ATG7: variants seen among roughly 807,000 people sequenced by gnomAD.
ATG7 encodes the protein autophagy related 7, also known as ubiquitin-like modifier-activating enzyme ATG7.
In ATG7, 70 loss-of-function variants were observed where a neutral mutation model predicts 82.4. The ratio of observed to expected loss-of-function variants is 0.85; its 90% CI spans 0.70 to 1.04. The LOEUF is 1.04. ATG7 is among the 50% of genes least tolerant of loss of function. The pLI is 0.00. For missense variants in ATG7, 792 were observed against 864.3 expected, an observed-to-expected ratio of 0.92 and a Z score of 1.05; for synonymous variants, 287 against 313.0, an observed-to-expected ratio of 0.92 and a Z score of 0.88.
At chr3:11,343,951 T>C (rs1954075764) in intron 13 of ATG7, among the ~76,000 whole-genome samples, 1 of 152,198 alleles carries the variant, frequency 6.6e-6, no homozygotes, top group South Asian at 2.1e-4. Context: ...GGGAGCATGG[T>C]GTATCTCTTA....
At chr3:11,442,777 C>G (rs542300979) in intron 20 of ATG7, among the ~76,000 whole-genome samples, 1 of 94,202 alleles carries the variant, frequency 1.1e-5, no homozygotes, top group African/African-American at 3.5e-5. Flanking sequence ...AAAAATTAGC[C>G]AGGTTTGGTG....
At chr3:11,475,924 G>A (rs187666444) in intron 20 of ATG7, among the ~76,000 whole-genome samples, 127 of 104,114 alleles carry the variant, frequency 1.2e-3, no homozygotes, top group Admixed American at 3.5e-3. Flanking sequence ...CCCAGAGTCC[G>A]AGCATTCTAG....
At chr3:11,280,714 A>G (rs574437084) in intron 1 of ATG7, among the ~76,000 whole-genome samples, 2 of 152,190 alleles carry the variant, frequency 1.3e-5, no homozygotes, top group African/African-American at 2.4e-5. Context: ...TATCCAAGTT[A>G]TTGGTAAAAT....
chr3:11,526,424 A>G (rs1200043525), intron 20 of ATG7, among the ~76,000 whole-genome samples: 1 of 152,136 alleles, frequency 6.6e-6, no homozygotes. Context: ...AGACAACAAG[A>G]AACATAATCT....
chr3:11,476,828 C>T (rs1411290500), intron 20 of ATG7, among the ~76,000 whole-genome samples: 1 of 152,090 alleles, frequency 6.6e-6, no homozygotes, highest in African/African-American at 2.4e-5. Flanking sequence ...TTCTTTTATG[C>T]ATGTAGTAAC....
chr3:11,386,632 C>T (rs1377020387), intron 19 of ATG7, among the ~76,000 whole-genome samples: 1 of 152,170 alleles, frequency 6.6e-6, no homozygotes, highest in African/African-American at 2.4e-5. Context: ...GCCAGATTTT[C>T]CTTCTCCTTT....
intron 20 of ATG7, among the ~76,000 whole-genome samples, chr3:11,432,281 A>G (rs975402216): frequency 6.6e-6 from 1 of 152,216 alleles, no homozygotes; most frequent in Non-Finnish European, 1.5e-5. Flanking sequence ...GATTTACCCT[A>G]TTCCATTTAG....
At chr3:11,294,577 A>G (rs1231617377) in intron 3 of ATG7, among the ~76,000 whole-genome samples, 1 of 152,178 alleles carries the variant, frequency 6.6e-6, no homozygotes, top group East Asian at 1.9e-4. Context: ...AACAATTAAA[A>G]GCCAAAAAAT....
chr3:11,380,034 T>C lies in ATG7; in HGVS notation c.1938T>C (p.Cys646=), dbSNP rs761784036. Residue 646 remains cysteine, a synonymous_variant, in exon 19 of 21, where the codon TGT becomes TGC. Coordinates refer to ENST00000693202, the MANE Select transcript of ATG7 (RefSeq NM_001349232.2). ...VLPVSLAFDK[C]TACSSKVLDQ... ...CCGTCAGCCTGGCATTTGACAAATGTACAGCTTGTTCTTCCAAAGTAAGTC... is the reference window on the plus strand; with the variant it reads ...CCGTCAGCCTGGCATTTGACAAATGCACAGCTTGTTCTTCCAAAGTAAGTC... 5 of 1,613,956 alleles carry C rather than the reference T, an allele frequency of 3.1e-6. No homozygotes were observed. Among genetic ancestry groups the C allele is most frequent in the Non-Finnish European group, 3.4e-6 (4 of 1,179,920 alleles).
At position 11,435,025 on chromosome 3, in the gene ATG7, A is replaced by G. The variant is rs528192232; in HGVS notation, c.2079+8099A>G. ...TTTTAAGCCTCCTTTCTAGAAAAAA[A>G]TGAAATGCTTTTCAACTCTAATTTA... On this transcript the variant is annotated intron_variant, in intron 20 of 20. Transcript: ENST00000693202. 1.6e-3 allele frequency among the ~76,000 whole-genome samples: 246 copies of G among 152,346 alleles called. 1 individual carries two copies. The highest frequency in any genetic ancestry group is 5.4e-3 in the African/African-American group (224 of 41,578).
intron 19 of ATG7, among the ~76,000 whole-genome samples, chr3:11,394,154 T>C (rs1178676314): frequency 6.6e-6 from 1 of 152,224 alleles, no homozygotes; most frequent in Non-Finnish European, 1.5e-5. Flanking sequence ...AGTTCCTCTG[T>C]ACTATAAGGG....
chr3:11,468,296 T>C (rs1239876949), intron 20 of ATG7, among the ~76,000 whole-genome samples: 1 of 64,832 alleles, frequency 1.5e-5, no homozygotes, highest in African/African-American at 6.8e-5. Flanking sequence ...AGAATGAGAA[T>C]GGAAGGGGTA....
chr3:11,491,802 T>C (rs1275741142), intron 20 of ATG7, among the ~76,000 whole-genome samples: 2 of 152,198 alleles, frequency 1.3e-5, no homozygotes, highest in African/African-American at 2.4e-5. Context: ...TTGTGAACCG[T>C]GAATGCTGCT....
intron 13 of ATG7, among the ~76,000 whole-genome samples, chr3:11,345,119 T>C (rs1954301369): frequency 6.6e-6 from 1 of 151,602 alleles, no homozygotes. Flanking sequence ...TTAAGAATTT[T>C]GTTGGGCCGG....
At chr3:11,445,721 C>T (rs909874478) in intron 20 of ATG7, among the ~76,000 whole-genome samples, 1 of 152,188 alleles carries the variant, frequency 6.6e-6, no homozygotes. Flanking sequence ...TTTATTAAAT[C>T]ATGACTGTTT....
At chr3:11,388,019 GAAA>G (rs2078450794) in intron 19 of ATG7, among the ~76,000 whole-genome samples, 1 of 152,132 alleles carries the variant, frequency 6.6e-6, no homozygotes, top group Non-Finnish European at 1.5e-5. Context: ...TGAAGTCCCT[GAAA>G]CATCTCTGTG....
downstream of ATG7, among the ~76,000 whole-genome samples, chr3:11,559,121 C>T (rs936647867): frequency 6.6e-6 from 1 of 152,244 alleles, no homozygotes; most frequent in African/African-American, 2.4e-5. Context: ...GCATGAGACC[C>T]TGGAACTGAG....
At chr3:11,471,771 T>A (rs2087568106) in intron 20 of ATG7, among the ~76,000 whole-genome samples, 1 of 99,734 alleles carries the variant, frequency 1.0e-5, no homozygotes, top group Non-Finnish European at 2.1e-5. Flanking sequence ...TGAAATGTAG[T>A]CTCTATCGCC....
chr3:11,299,282 A>G (rs1359058860), intron 4 of ATG7, 80 bp from the exon 5 acceptor site: 19 of 1,418,154 alleles, frequency 1.3e-5, no homozygotes, highest in Non-Finnish European at 1.8e-5. Context: ...CAAAGAGAAG[A>G]AAACTATTCA....
Sources: gnomAD v4.1 joint callset for allele counts (sites outside exome capture counted in the v4.1 genomes callset) on GRCh38, gnomAD v4.1.1 for gene constraint, MANE v1.5 for transcripts, NCBI Gene and HGNC (gene_info 2026-07-23, HGNC 2026-07-21) for gene names.